The following LCE2D variants were observed in gnomAD, a reference collection of about 807,000 sequenced individuals.
LCE2D encodes late cornified envelope protein 2D.
For missense variants in LCE2D, 161 were observed against 142.9 expected, an observed-to-expected ratio of 1.13 and a Z score of -0.65; for synonymous variants, 55 against 51.3, an observed-to-expected ratio of 1.07 and a Z score of -0.31.
In LCE2D at chr1:152,664,553, T is replaced by C; in HGVS notation, c.*115T>C. The C allele has an allele frequency of 4.1e-6, 6 of 1,447,006 alleles. No individual in the cohort carries two copies. Among genetic ancestry groups the C allele is most frequent in the Non-Finnish European group, 5.5e-6 (6 of 1,082,598 alleles). The allele number at this position is 1,447,006 out of a possible 1,614,324, so 89.6% of individuals were successfully genotyped here. A position where few individuals can be genotyped will look rare whatever the true frequency, so the allele number is the denominator to read the frequency against. On this transcript the variant is annotated 3_prime_UTR_variant, in exon 2 of 2. Transcript: ENST00000368784. ...ATGGGTGGACAGGGACCACAAAGAC[T>C]CATGGGGCTTCCCCAGAACTTTGTG... is the stretch of plus-strand genomic sequence containing the variant.
Position 152,664,083 on chromosome 1 carries a change from A to C in LCE2D, c.-21-2A>C, listed in dbSNP as rs1318255950. 37 of 1,612,484 alleles carry C rather than the reference A, an allele frequency of 2.3e-5. No homozygotes were observed. The Admixed American group carries it at 6.2e-4, about 27-fold the overall frequency. ...TTAAAGAGTTTCATTATTATCTTTT[A>C]GGTTGACTAAACTCCTGCCAGGATG... On this transcript the variant is annotated splice_acceptor_variant, in intron 1 of 1. Transcript: ENST00000368784. LOFTEE classifies it low-confidence loss of function (5UTR_SPLICE).
In LCE2D at chr1:152,664,253, C is replaced by T. The variant is rs1648497577; in HGVS notation, c.148C>T (p.Pro50Ser). The stretch of plus-strand genomic sequence containing the variant: ...CCCTGCAGTCTCTTCCTGCTGTGGT[C>T]CCAGCTCTGGGAGCTGCTGTGGTCC... Reference protein sequence around the residue: ...CSPAVSSCCGPSSGSCCGPSS... With the variant: ...CSPAVSSCCGSSSGSCCGPSS... Residue 50 changes from proline (P) to serine (S), a missense_variant, in exon 2 of 2, where the codon CCC becomes TCC. Pro to Ser is a moderately conservative substitution (Grantham distance 74). Coordinates refer to ENST00000368784, the MANE Select transcript of LCE2D (RefSeq NM_178430.4). The T allele has an allele frequency of 6.2e-7, 1 of 1,614,100 alleles. No individual in the cohort carries two copies. Among genetic ancestry groups the T allele is most frequent in the Non-Finnish European group, 8.5e-7 (1 of 1,180,000 alleles).
chr1:152,664,162 G>C lies in LCE2D; in HGVS notation c.57G>C (p.Lys19Asn). The C allele has an allele frequency of 1.2e-6, 2 of 1,614,176 alleles. No individual in the cohort carries two copies. The highest frequency in any genetic ancestry group is 1.7e-6 in the Non-Finnish European group (2 of 1,180,026). Residue 19 changes from lysine (K) to asparagine (N), a missense_variant, in exon 2 of 2, where the codon AAG becomes AAC. Transcript: ENST00000368784. The stretch of plus-strand genomic sequence containing the variant: ...AGCCCCCTCCCAAATGTCCTCCCAA[G>C]TGTACCCCAAAATGTCCACCTAAGT... ...QCQPPPKCPP[K>N]CTPKCPPKCP...
At chr1:152,663,637 T>C (rs1425445148) in intron 1 of LCE2D, among the ~76,000 whole-genome samples, 1 of 152,220 alleles carries the variant, frequency 6.6e-6, no homozygotes, top group East Asian at 1.9e-4. Context: ...CTTTCCCAAC[T>C]CTGTCTTCAA....
In LCE2D at chr1:152,664,502, T is replaced by C; in HGVS notation, c.*64T>C. 6.5e-7 allele frequency: 1 copy of C among 1,532,484 alleles called. No individual in the cohort carries two copies. Among genetic ancestry groups the C allele is most frequent in the Non-Finnish European group, 8.8e-7 (1 of 1,142,670 alleles). The allele number at this position is 1,532,484 out of a possible 1,614,324, so 94.9% of individuals were successfully genotyped here. ...AACCTGCTACAGCCTGATGCTTAACTATTTCCCCTTCCTTTCATTCCACTC... is the reference window on the plus strand; with the variant it reads ...AACCTGCTACAGCCTGATGCTTAACCATTTCCCCTTCCTTTCATTCCACTC... On this transcript the variant is annotated 3_prime_UTR_variant, in exon 2 of 2. Transcript: ENST00000368784.
chr1:152,664,088 G>A lies in LCE2D; in HGVS notation c.-18G>A. On this transcript the variant is annotated 5_prime_UTR_variant, in exon 2 of 2. Coordinates refer to ENST00000368784, the MANE Select transcript of LCE2D (RefSeq NM_178430.4). Reference sequence around the variant, plus strand: ...GAGTTTCATTATTATCTTTTAGGTTGACTAAACTCCTGCCAGGATGTCTTG... The same window carrying A: ...GAGTTTCATTATTATCTTTTAGGTTAACTAAACTCCTGCCAGGATGTCTTG... 6.2e-7 allele frequency: 1 copy of A among 1,613,296 alleles called. No homozygotes were observed. The highest frequency in any genetic ancestry group is 8.5e-7 in the Non-Finnish European group (1 of 1,179,622).
rs1200880310 is a variant in LCE2D at position 152,664,525 on chromosome 1, C to G, written c.*87C>G. On this transcript the variant is annotated 3_prime_UTR_variant, in exon 2 of 2. Coordinates refer to ENST00000368784, the MANE Select transcript of LCE2D (RefSeq NM_178430.4). ...ACTATTTCCCCTTCCTTTCATTCCACTCATGGGTGGACAGGGACCACAAAG... is the reference window on the plus strand; with the variant it reads ...ACTATTTCCCCTTCCTTTCATTCCAGTCATGGGTGGACAGGGACCACAAAG... 2.0e-6 allele frequency: 3 copies of G among 1,516,970 alleles called. No individual in the cohort carries two copies. In the African/African-American group the frequency reaches 4.2e-5, roughly 21 times the overall value. The allele number at this position is 1,516,970 out of a possible 1,614,324, so 94.0% of individuals were successfully genotyped here. A position where few individuals can be genotyped will look rare whatever the true frequency, so the allele number is the denominator to read the frequency against.
chr1:152,664,194 C>A lies in LCE2D; in HGVS notation c.89C>A (p.Pro30His), dbSNP rs570613049. The A allele has an allele frequency of 6.2e-7, 1 of 1,614,226 alleles. No individual in the cohort carries two copies. Among genetic ancestry groups the A allele is most frequent in the South Asian group, 1.1e-5 (1 of 91,088 alleles). ...CCAAAATGTCCACCTAAGTGTCCCCCCAAATGCCCACCACAGTGCCCAGCT... is the reference window on the plus strand; with the variant it reads ...CCAAAATGTCCACCTAAGTGTCCCCACAAATGCCCACCACAGTGCCCAGCT... ...CTPKCPPKCPPKCPPQCPAPC... is the reference protein window; with the variant it reads ...CTPKCPPKCPHKCPPQCPAPC... The change falls in exon 2 of 2, where the codon CCC becomes CAC. Residue 30 changes from proline (P) to histidine (H), a missense_variant. Transcript: ENST00000368784.
At chr1:152,663,465 CA>C (rs1648459039) in intron 1 of LCE2D, 36 bp downstream of exon 1, 1 of 153,152 alleles carries the variant, frequency 6.5e-6, no homozygotes, top group African/African-American at 2.4e-5. Flanking sequence ...AGGGTATTAG[CA>C]AGGTAGAGGG....
At chr1:152,663,828 T>G (rs1244495713) in intron 1 of LCE2D, among the ~76,000 whole-genome samples, 1 of 152,194 alleles carries the variant, frequency 6.6e-6, no homozygotes, top group African/African-American at 2.4e-5. Flanking sequence ...CATGGAGCTG[T>G]GAATACTCTA....
intron 1 of LCE2D, among the ~76,000 whole-genome samples, chr1:152,663,782 T>C (rs1461087737): frequency 6.6e-6 from 1 of 152,188 alleles, no homozygotes; most frequent in Non-Finnish European, 1.5e-5. Flanking sequence ...AGCACCCATC[T>C]GGGCGCTGGG....
In LCE2D at chr1:152,664,223, T is replaced by C. The variant is rs1648495009; in HGVS notation, c.118T>C (p.Cys40Arg). Residue 40 changes from cysteine to arginine, a missense_variant, in exon 2 of 2, where the codon TGT becomes CGT. By Grantham distance (180) the Cys-to-Arg change is radical. Transcript: ENST00000368784. Reference sequence around the variant, plus strand: ...ATGCCCACCACAGTGCCCAGCTCCATGTTCCCCTGCAGTCTCTTCCTGCTG... The same window carrying C: ...ATGCCCACCACAGTGCCCAGCTCCACGTTCCCCTGCAGTCTCTTCCTGCTG... The part of the protein sequence containing the change: ...PKCPPQCPAP[C>R]SPAVSSCCGP... 2 of 1,614,056 alleles carry C rather than the reference T, an allele frequency of 1.2e-6. No homozygotes were observed. Among genetic ancestry groups the C allele is most frequent in the African/African-American group, 2.7e-5 (2 of 74,928 alleles).
Position 152,664,182 on chromosome 1 carries a change from C to A in LCE2D, c.77C>A (p.Pro26His). The A allele has an allele frequency of 6.2e-7, 1 of 1,614,222 alleles. No individual in the cohort carries two copies. The highest frequency in any genetic ancestry group is 1.1e-5 in the South Asian group (1 of 91,088). ...CCCAAGTGTACCCCAAAATGTCCAC[C>A]TAAGTGTCCCCCCAAATGCCCACCA... ...CPPKCTPKCPPKCPPKCPPQC... is the reference protein window; with the variant it reads ...CPPKCTPKCPHKCPPKCPPQC... The change falls in exon 2 of 2, where the codon CCT becomes CAT. Residue 26 changes from proline (P) to histidine (H), a missense_variant. Pro to His is a moderately conservative substitution (Grantham distance 77). Coordinates refer to ENST00000368784, the MANE Select transcript of LCE2D (RefSeq NM_178430.4).
Position 152,664,193 on chromosome 1 carries a change from C to A in LCE2D, c.88C>A (p.Pro30Thr), listed in dbSNP as rs150498841. 1.6e-3 allele frequency: 2,509 copies of A among 1,614,110 alleles called. 1 individual carries two copies. Among genetic ancestry groups the A allele is most frequent in the Non-Finnish European group, 1.9e-3 (2,258 of 1,180,056 alleles). ...CTPKCPPKCP[P>T]KCPPQCPAPC... ...CCCAAAATGTCCACCTAAGTGTCCC[C>A]CCAAATGCCCACCACAGTGCCCAGC... Residue 30 changes from proline to threonine, a missense_variant, in exon 2 of 2, where the codon CCC becomes ACC. Transcript: ENST00000368784.
Position 152,664,324 on chromosome 1 carries a change from G to A in LCE2D, c.219G>A (p.Leu73=), listed in dbSNP as rs764144983. The A allele has an allele frequency of 1.2e-6, 2 of 1,614,028 alleles. No individual in the cohort carries two copies. The highest frequency in any genetic ancestry group is 2.7e-5 in the African/African-American group (2 of 75,014). Residue 73 remains leucine (L), a synonymous_variant, in exon 2 of 2, where the codon CTG becomes CTA. Transcript: ENST00000368784. ...CCSSGGGGCC[L]SHHRPRLFHR... ...GCTCTGGGGGTGGTGGCTGCTGCCTGAGCCACCACAGGCCCCGTCTCTTCC... is the reference window on the plus strand; with the variant it reads ...GCTCTGGGGGTGGTGGCTGCTGCCTAAGCCACCACAGGCCCCGTCTCTTCC...
At chr1:152,663,623 C>G (rs1156393840) in intron 1 of LCE2D, among the ~76,000 whole-genome samples, 194 bp downstream of exon 1, 1 of 152,170 alleles carries the variant, frequency 6.6e-6, no homozygotes, top group African/African-American at 2.4e-5. Flanking sequence ...CTAACTGTGC[C>G]CATCTTTCCC....
Position 152,664,378 on chromosome 1 carries a change from C to T in LCE2D, c.273C>T (p.Cys91=), listed in dbSNP as rs766245821. ...GGCGCCGGCACCAGAGCCCCGATTG[C>T]TGTGAGAGTGAACCTTCTGGGGCCT... The part of the protein sequence containing the change: ...FHRRRHQSPD[C]CESEPSGASG... The change falls in exon 2 of 2, where the codon TGC becomes TGT. Residue 91 remains cysteine (C), a synonymous_variant. Transcript: ENST00000368784. The T allele has an allele frequency of 1.6e-5, 25 of 1,608,112 alleles. No homozygotes were observed. Among genetic ancestry groups the T allele is most frequent in the South Asian group, 3.3e-5 (3 of 90,692 alleles).
chr1:152,664,442 G>A lies in LCE2D; in HGVS notation c.*4G>A. 6.2e-7 allele frequency: 1 copy of A among 1,609,158 alleles called. No homozygotes were observed. ...CAGCTCTGGGGGCTGCTGCTGACCT[G>A]GGCTGCAGAAGAGCTCTGGTACTGA... On this transcript the variant is annotated 3_prime_UTR_variant, in exon 2 of 2. Coordinates refer to ENST00000368784, the MANE Select transcript of LCE2D (RefSeq NM_178430.4).
rs1254498475 is a variant in LCE2D, at chr1:152,664,471, G to T, written c.*33G>T. The T allele has an allele frequency of 2.2e-5, 34 of 1,574,872 alleles. No individual in the cohort carries two copies. In the Admixed American group the frequency reaches 6.2e-4, roughly 29 times the overall value. On this transcript the variant is annotated 3_prime_UTR_variant, in exon 2 of 2. Coordinates refer to ENST00000368784, the MANE Select transcript of LCE2D (RefSeq NM_178430.4). Reference sequence around the variant, plus strand: ...TGCAGAAGAGCTCTGGTACTGAATGGTCAAAAACCTGCTACAGCCTGATGC... The same window carrying T: ...TGCAGAAGAGCTCTGGTACTGAATGTTCAAAAACCTGCTACAGCCTGATGC...
Sources: allele counts gnomAD v4.1 joint callset (sites outside exome capture counted in the v4.1 genomes callset), GRCh38; gene constraint gnomAD v4.1.1; transcripts MANE v1.5; gene names NCBI Gene and HGNC (gene_info 2026-07-23, HGNC 2026-07-21).